The following LARGE1 variants were observed in gnomAD, a reference collection of about 807,000 sequenced individuals.
LARGE1 encodes LARGE xylosyl- and glucuronyltransferase 1, also known as xylosyl- and glucuronyltransferase LARGE1.
In LARGE1, 43 loss-of-function variants were observed where a neutral mutation model predicts 87.6. The observed-to-expected ratio is 0.49, with a 90% confidence interval of 0.38 to 0.63. LARGE1 has a LOEUF of 0.63. LARGE1 is among the 30% of genes least tolerant of loss of function. The probability of loss-of-function intolerance (pLI) is 0.00; values close to 1 mark genes in which losing one functional copy is unlikely to be tolerated. For synonymous variants in LARGE1, 434 were observed against 394.6 expected, an observed-to-expected ratio of 1.10 and a Z score of -1.18; for missense variants, 802 against 1,000.2, an observed-to-expected ratio of 0.80 and a Z score of 2.67.
chr22:33,112,020 C>A, the LARGE1 span, among the ~76,000 whole-genome samples: 4,431 of 152,242 alleles, frequency 0.029, 123 homozygotes, highest in African/African-American at 0.071. Context: ...GGGTTCAAAG[C>A]CATATAAGGA....
the LARGE1 span, among the ~76,000 whole-genome samples, chr22:33,081,018 G>C: frequency 3.9e-5 from 6 of 151,908 alleles, no homozygotes; most frequent in Non-Finnish European, 8.8e-5. Context: ...TTGGCACACA[G>C]TTCTGGACTG....
intron 1 of LARGE1, among the ~76,000 whole-genome samples, chr22:33,907,730 G>A (rs769004187): frequency 2.6e-4 from 39 of 152,072 alleles, no homozygotes; most frequent in Non-Finnish European, 4.4e-4. Flanking sequence ...GAGTAGGTGG[G>A]ACTACAGGCG....
At chr22:33,363,975 C>T (rs1444174208) in intron 9 of LARGE1, among the ~76,000 whole-genome samples, 2 of 149,660 alleles carry the variant, frequency 1.3e-5, no homozygotes, top group Non-Finnish European at 3.0e-5. Flanking sequence ...CTGTGGAGCC[C>T]TCAGGGATGA....
intron 1 of LARGE1, among the ~76,000 whole-genome samples, chr22:33,770,353 T>G (rs1348420082): frequency 1.3e-5 from 2 of 152,216 alleles, no homozygotes; most frequent in African/African-American, 4.8e-5. Context: ...TGATAACGTA[T>G]GTGTAGCCAG....
At chr22:33,921,043 G>A (rs978778079), upstream of LARGE1, among the ~76,000 whole-genome samples, 5 of 150,292 alleles carry the variant, frequency 3.3e-5, no homozygotes, top group Admixed American at 6.6e-5. This position sits in a 1 kb window ranked among gnomAD's most constrained non-coding sequence, Gnocchi z 4.1. Flanking sequence ...AGCCGGGGGG[G>A]ACCGCGAGCC....
At chr22:33,175,903 A>G (rs1362496284) in intron 11 of LARGE1, among the ~76,000 whole-genome samples, 1 of 152,200 alleles carries the variant, frequency 6.6e-6, no homozygotes, top group African/African-American at 2.4e-5. Flanking sequence ...ACTTCAAACT[A>G]TACTACAGGG....
intron 6 of LARGE1, among the ~76,000 whole-genome samples, chr22:33,548,975 A>T (rs1480019758): frequency 4.6e-5 from 7 of 152,224 alleles, no homozygotes; most frequent in Non-Finnish European, 7.3e-5. Flanking sequence ...GAGGCAAATA[A>T]GAAAATAAAA....
intron 6 of LARGE1, among the ~76,000 whole-genome samples, chr22:33,448,291 C>T (rs1212951152): frequency 2.0e-5 from 3 of 152,016 alleles, no homozygotes; most frequent in South Asian, 2.1e-4. Flanking sequence ...ATGAGGGTAA[C>T]GTGAAAGTAA....
At chr22:33,744,679 G>A (rs1029299803) in intron 2 of LARGE1, among the ~76,000 whole-genome samples, 2 of 151,954 alleles carry the variant, frequency 1.3e-5, no homozygotes, top group Non-Finnish European at 2.9e-5. Flanking sequence ...CCACGCTCAC[G>A]CCCTGGAAAA....
the LARGE1 span, among the ~76,000 whole-genome samples, chr22:33,118,204 T>G: frequency 6.6e-6 from 1 of 152,140 alleles, no homozygotes. Context: ...GTATTATGGC[T>G]GGGCACAGTG....
chr22:33,164,150 G>T (rs1227607903), exon 12 of LARGE1: 1 of 152,162 alleles, frequency 6.6e-6, no homozygotes, highest in African/African-American at 2.4e-5. Context: ...CCCTAACAGT[G>T]CTGGGAACAT....
chr22:33,259,271 T>C (rs16992014), intron 11 of LARGE1, among the ~76,000 whole-genome samples: 7,888 of 151,778 alleles, frequency 0.052, 360 homozygotes, highest in African/African-American at 0.12. Context: ...TAAGGACAAG[T>C]GAGAGAGAAG....
In LARGE1 at chr22:33,304,466, G is replaced by A. The variant is rs762560810; in HGVS notation, c.1493C>T (p.Pro498Leu). 6.2e-7 allele frequency: 1 copy of A among 1,612,022 alleles called. No homozygotes were observed. The highest frequency in any genetic ancestry group is 8.5e-7 in the Non-Finnish European group (1 of 1,178,956). Residue 498 changes from proline (P) to leucine (L), a missense_variant, in exon 12 of 15, where the codon CCC (proline) becomes CTC (leucine). Physicochemically the swap from Pro to Leu is moderately conservative, Grantham distance 98 (BLOSUM62 -3). This residue lies in a region of LARGE1 where 625 missense variants were observed against 841.9 expected (regional missense o/e 0.74). Transcript: ENST00000397394. Reference protein sequence around the residue: ...LEAICKHWEGPISLALYLSDA... With the variant: ...LEAICKHWEGLISLALYLSDA... Reference sequence around the variant, plus strand: ...TGACAGGTAGAGGGCCAGGCTGATGGGCCCCTCCCAGTGCTTGCAGATGGC... The same window carrying A: ...TGACAGGTAGAGGGCCAGGCTGATGAGCCCCTCCCAGTGCTTGCAGATGGC...
At chr22:33,223,066 T>C (rs1925537861) in intron 11 of LARGE1, among the ~76,000 whole-genome samples, 1 of 152,156 alleles carries the variant, frequency 6.6e-6, no homozygotes, top group Non-Finnish European at 1.5e-5. Context: ...GCTGGATGAA[T>C]AAACGTGCCT....
chr22:33,902,594 G>A lies in LARGE1; in HGVS notation c.-83+17401C>T, dbSNP rs946401465. The stretch of plus-strand genomic sequence containing the variant: ...TCCTATTAAAGGGAAAGCAGTACCC[G>A]AATAATAAACTCTACATCAAACTTA... On this transcript the variant is annotated intron_variant, in intron 1 of 14. Coordinates refer to ENST00000397394, the MANE Select transcript of LARGE1 (RefSeq NM_133642.5). Among the ~76,000 whole-genome samples, 7 of 152,148 alleles carry A rather than the reference G, an allele frequency of 4.6e-5. 1 individual carries two copies. In the South Asian group the frequency reaches 6.2e-4, roughly 14 times the overall value.
At position 33,471,089 on chromosome 22, in the gene LARGE1, G is replaced by A. The variant is rs146244050; in HGVS notation, c.788-38824C>T. ...GACTCCTAGGCTGGAGTAAGGTGGC[G>A]TGATCTCTGCTCACGGCAACCTCTG... On this transcript the variant is annotated intron_variant, in intron 6 of 14. Coordinates refer to ENST00000397394, the MANE Select transcript of LARGE1 (RefSeq NM_133642.5). Among the ~76,000 whole-genome samples the A allele has an allele frequency of 5.3e-3, 794 of 149,014 alleles. 5 individuals carry two copies. The highest frequency in any genetic ancestry group is 0.018 in the African/African-American group (717 of 40,376).
chr22:33,852,378 T>C (rs920162322), intron 1 of LARGE1, among the ~76,000 whole-genome samples: 1 of 152,144 alleles, frequency 6.6e-6, no homozygotes, highest in Non-Finnish European at 1.5e-5. Context: ...ATTTGTTTTA[T>C]ATTTAACAAA....
intron 11 of LARGE1, among the ~76,000 whole-genome samples, chr22:33,192,177 T>A (rs574618301): frequency 5.3e-4 from 80 of 152,276 alleles, no homozygotes; most frequent in African/African-American, 1.9e-3. Context: ...GTGGAAGAGT[T>A]TTACATATCA....
At chr22:33,171,813 G>A (rs1922588319) in intron 11 of LARGE1, among the ~76,000 whole-genome samples, 1 of 152,194 alleles carries the variant, frequency 6.6e-6, no homozygotes, top group Admixed American at 6.5e-5. Context: ...AGTGAGGAAG[G>A]GAAATGTGGG....
Sources: allele counts gnomAD v4.1 joint callset (sites outside exome capture counted in the v4.1 genomes callset), GRCh38; gene constraint gnomAD v4.1.1; regional missense constraint gnomAD v4.1.1; non-coding constraint Gnocchi (gnomAD v3.1); transcripts MANE v1.5; gene names NCBI Gene and HGNC (gene_info 2026-07-23, HGNC 2026-07-21).